Variants in PPP6R3 observed in about 807,000 individuals in gnomAD.
PPP6R3 encodes serine/threonine-protein phosphatase 6 regulatory subunit 3.
In PPP6R3, 38 loss-of-function variants were observed where a neutral mutation model predicts 110.7. The ratio of observed to expected loss-of-function variants is 0.34; its 90% confidence interval spans 0.26 to 0.45. The LOEUF (loss-of-function observed/expected upper bound fraction) is 0.45, where lower values mean the gene tolerates loss of function less well. PPP6R3 is among the 20% of genes least tolerant of loss of function. The pLI, the probability that PPP6R3 is intolerant of heterozygous loss-of-function variation, is 1.00. For missense variants in PPP6R3, 870 were observed against 1,062.4 expected, an observed-to-expected ratio of 0.82 and a Z score of 2.52; for synonymous variants, 369 against 373.5, an observed-to-expected ratio of 0.99 and a Z score of 0.14.
At chr11:68,497,212 A>AG (rs1249676821) in intron 1 of PPP6R3, among the ~76,000 whole-genome samples, 1 of 12,218 alleles carries the variant, frequency 8.2e-5, no homozygotes, top group African/African-American at 4.5e-4. Context: ...ACGCCCGGCT[A>AG]ATTTTTTTTT....
At chr11:68,595,947 C>T in intron 18 of PPP6R3, 150 bp from the exon 19 acceptor site, 1 of 923,252 alleles carries the variant, frequency 1.1e-6, no homozygotes, top group East Asian at 2.7e-5. Context: ...GCTGAGTCTT[C>T]CCGGGCATCC....
At chr11:68,577,965 C>A (rs930224542) in intron 14 of PPP6R3, among the ~76,000 whole-genome samples, 1 of 152,174 alleles carries the variant, frequency 6.6e-6, no homozygotes, top group African/African-American at 2.4e-5. Flanking sequence ...TAGCCCCACT[C>A]CAGAATTTTG....
intron 1 of PPP6R3, among the ~76,000 whole-genome samples, chr11:68,462,409 C>A (rs1039265161): frequency 6.6e-6 from 1 of 152,144 alleles, no homozygotes; most frequent in Non-Finnish European, 1.5e-5. Flanking sequence ...AGTAGCGCCT[C>A]ATAATGTTTA....
intron 6 of PPP6R3, 83 bp downstream of exon 6, chr11:68,551,269 A>T (rs1478140660): frequency 9.9e-7 from 1 of 1,009,226 alleles, no homozygotes; most frequent in Non-Finnish European, 1.5e-6. Context: ...TACTTATATT[A>T]AATGTGAACA....
chr11:68,526,088 G>T (rs2099195987), intron 2 of PPP6R3, among the ~76,000 whole-genome samples: 1 of 152,080 alleles, frequency 6.6e-6, no homozygotes, highest in Non-Finnish European at 1.5e-5. Context: ...TCATAACCAT[G>T]TTTCCTACTC....
chr11:68,544,080 ATGTGGAGAGCACTAGTT>A (rs2099334372), intron 3 of PPP6R3, among the ~76,000 whole-genome samples: 1 of 152,156 alleles, frequency 6.6e-6, no homozygotes, highest in South Asian at 2.1e-4. Context: ...TGGAAGGCTG[ATGTGGAGAGCACTAGTT>A]TTGTTTTGTT....
chr11:68,557,987 T>A (rs1236422264), intron 7 of PPP6R3, among the ~76,000 whole-genome samples: 1 of 152,262 alleles, frequency 6.6e-6, no homozygotes, highest in Non-Finnish European at 1.5e-5. Context: ...TTTTTGGACA[T>A]TTAATTTAGT....
Position 68,583,107 on chromosome 11 carries a change from C to T in PPP6R3, c.1610C>T (p.Ser537Leu). The T allele has an allele frequency of 6.5e-7, 1 of 1,546,654 alleles. No homozygotes were observed. Among genetic ancestry groups the T allele is most frequent in the East Asian group, 2.4e-5 (1 of 40,846 alleles). Residue 537 changes from serine (S) to leucine (L), a missense_variant, in exon 15 of 24, where the codon TCA becomes TTA. Coordinates refer to ENST00000393800, the MANE Select transcript of PPP6R3 (RefSeq NM_001164161.2). ...DEIDFKETGF[S>L]QDSSLQQAFS... is the part of the protein sequence containing the mutation. ...ATTGACTTTAAAGAAACGGGTTTCT[C>T]ACAGGATTCTTCTTTGCAGCAAGTG...
chr11:68,574,300 G>A lies in PPP6R3; in HGVS notation c.1459+76G>A, dbSNP rs1168558368. On this transcript the variant is annotated intron_variant, in intron 13 of 23. Transcript: ENST00000393800. ...ATTTAAGGGTCAAGTAGAAATGCAT[G>A]TAGCATTTTTAATAGTGATTTGTGG... is the stretch of plus-strand genomic sequence containing the variant. 1.2e-5 allele frequency: 14 copies of A among 1,145,304 alleles called. No individual in the cohort carries two copies. The Admixed American group carries it at 1.4e-4, about 11-fold the overall frequency. 70.9% of individuals were successfully genotyped at this position (1,145,304 alleles called of 1,614,324 possible). A position where few individuals can be genotyped will look rare whatever the true frequency, so the allele number is the denominator to read the frequency against.
Position 68,569,878 on chromosome 11 carries a change from A to G in PPP6R3, c.1259A>G (p.Asp420Gly), listed in dbSNP as rs1210746141. The G allele has an allele frequency of 4.4e-6, 7 of 1,608,786 alleles. No individual in the cohort carries two copies. The highest frequency in any genetic ancestry group is 2.7e-5 in the African/African-American group (2 of 74,948). Residue 420 changes from aspartate (D) to glycine (G), a missense_variant, in exon 11 of 24, where the codon GAT (aspartate) becomes GGT (glycine). Coordinates refer to ENST00000393800, the MANE Select transcript of PPP6R3 (RefSeq NM_001164161.2). ...ATITDQDSTG[D>G]NLLLKHLFQK... is the part of the protein sequence containing the mutation. ...ATTACCGATCAAGACTCCACTGGTGATAATTTGTTATTAAAACATGTAAGC... is the reference window on the plus strand; with the variant it reads ...ATTACCGATCAAGACTCCACTGGTGGTAATTTGTTATTAAAACATGTAAGC...
At chr11:68,589,019 CAACGTGGCAA>C (rs1237014760) in intron 16 of PPP6R3, among the ~76,000 whole-genome samples, 1 of 151,876 alleles carries the variant, frequency 6.6e-6, no homozygotes, top group East Asian at 1.9e-4. Flanking sequence ...CCAGCCCGGC[CAACGTGGCAA>C]AACCCTGTCT....
chr11:68,525,441 T>C (rs138697736), intron 2 of PPP6R3, among the ~76,000 whole-genome samples: 3 of 152,358 alleles, frequency 2.0e-5, no homozygotes, highest in Admixed American at 1.3e-4. Flanking sequence ...GCAGTCTCAG[T>C]AGTCTATGAA....
intron 2 of PPP6R3, among the ~76,000 whole-genome samples, chr11:68,528,088 T>C (rs557981551): frequency 1.3e-5 from 2 of 152,318 alleles, no homozygotes; most frequent in South Asian, 2.1e-4. Flanking sequence ...TTCTCAATTT[T>C]ATTGTATTTT....
intron 15 of PPP6R3, chr11:68,587,212 C>G (rs1452189532): frequency 7.1e-6 from 1 of 140,952 alleles, no homozygotes; most frequent in East Asian, 2.2e-4. Context: ...AAAACCCGAA[C>G]AAGTCTGGTA....
chr11:68,611,106 G>C (rs1351382231), intron 23 of PPP6R3, among the ~76,000 whole-genome samples: 2 of 152,180 alleles, frequency 1.3e-5, no homozygotes, highest in African/African-American at 4.8e-5. Flanking sequence ...AAGAGGCAGG[G>C]TGGCCCTCTA....
intron 1 of PPP6R3, among the ~76,000 whole-genome samples, chr11:68,479,823 C>G (rs576859316): frequency 1.2e-4 from 19 of 152,070 alleles, no homozygotes; most frequent in African/African-American, 4.6e-4. Flanking sequence ...ACTGTAGCCT[C>G]GGACACCTGG....
chr11:68,539,538 G>A (rs1450660205), intron 3 of PPP6R3, among the ~76,000 whole-genome samples: 1 of 152,216 alleles, frequency 6.6e-6, no homozygotes, highest in Non-Finnish European at 1.5e-5. Flanking sequence ...GGATAGGGCA[G>A]TACTCTGCCA....
chr11:68,529,662 G>A (rs1017593365), intron 2 of PPP6R3, among the ~76,000 whole-genome samples: 1 of 152,168 alleles, frequency 6.6e-6, no homozygotes, highest in Non-Finnish European at 1.5e-5. Flanking sequence ...ATGTTTCTAG[G>A]TATTAGAGGC....
At chr11:68,529,089 C>T (rs561374862) in intron 2 of PPP6R3, among the ~76,000 whole-genome samples, 2 of 152,220 alleles carry the variant, frequency 1.3e-5, no homozygotes, top group Non-Finnish European at 2.9e-5. Flanking sequence ...TTTTTGTCCA[C>T]ATTAATCAAG....
Sources: allele counts gnomAD v4.1 joint callset (sites outside exome capture counted in the v4.1 genomes callset), GRCh38; gene constraint gnomAD v4.1.1; transcripts MANE v1.5; gene names NCBI Gene and HGNC (gene_info 2026-07-23, HGNC 2026-07-21).